The following PTF1A variants were observed in gnomAD, a reference collection of about 807,000 sequenced individuals.
PTF1A encodes pancreas associated transcription factor 1a.
PTF1A carries 18 observed loss-of-function variants against 22.6 expected under a neutral mutation model. The observed-to-expected ratio is 0.80, with a 90% CI of 0.55 to 1.18. The LOEUF (loss-of-function observed/expected upper bound fraction) is 1.18, where lower values mean the gene tolerates loss of function less well. Ranked by LOEUF, PTF1A falls within the 50% of genes most tolerant of loss-of-function variation. The pLI, the probability that PTF1A is intolerant of heterozygous loss-of-function variation, is 0.00. For missense variants in PTF1A, 477 were observed against 473.0 expected, an observed-to-expected ratio of 1.01 and a Z score of -0.08; for synonymous variants, 259 against 227.9, an observed-to-expected ratio of 1.14 and a Z score of -1.23.
chr10:23,193,617 C>A, intron 1 of PTF1A, 87 bp from the exon 2 acceptor site: 1 of 1,006,540 alleles, frequency 9.9e-7, no homozygotes. Flanking sequence ...CCGGAGAGCA[C>A]CCAGGAAAGG....
chr10:23,193,276 G>A lies in PTF1A; in HGVS notation c.746G>A (p.Ser249Asn), dbSNP rs779163060. 2 of 1,249,454 alleles carry A rather than the reference G, an allele frequency of 1.6e-6. No homozygotes were observed. The highest frequency in any genetic ancestry group is 1.6e-5 in the African/African-American group (1 of 64,178). 77.4% of individuals were successfully genotyped at this position (1,249,454 alleles called of 1,614,324 possible). A position where few individuals can be genotyped will look rare whatever the true frequency, so the allele number is the denominator to read the frequency against. The change falls in exon 1 of 2, where the codon AGC becomes AAC. Residue 249 changes from serine (S) to asparagine (N), a missense_variant. By Grantham distance (46) the Ser-to-Asn change is conservative. Coordinates refer to ENST00000376504, the MANE Select transcript of PTF1A (RefSeq NM_178161.3). ...CGCCTGGGCGGGGACAGCCCGGGCA[G>A]CCAGGCCCAGAAGGTCATCATCTGC... is the stretch of plus-strand genomic sequence containing the variant. The part of the protein sequence containing the change: ...GGRLGGDSPG[S>N]QAQKVIICHR...
chr10:23,192,338 A>G lies in PTF1A; in HGVS notation c.-193A>G. The G allele has an allele frequency of 5.8e-6, 3 of 518,656 alleles. No homozygotes were observed. The highest frequency in any genetic ancestry group is 6.1e-6 in the Non-Finnish European group (2 of 326,792). 32.1% of individuals were successfully genotyped at this position (518,656 alleles called of 1,614,324 possible). On this transcript the variant is annotated 5_prime_UTR_variant, in exon 1 of 2. Transcript: ENST00000376504. ...CAGGAAGTCCGCCACAGCCCTCCCC[A>G]GCGCAGCGCGAGCGCGGGCCAGAGC...
In PTF1A at chr10:23,192,958, G is replaced by C; in HGVS notation, c.428G>C (p.Gly143Ala). The change falls in exon 1 of 2, where the codon GGA (glycine) becomes GCA (alanine). Residue 143 changes from glycine to alanine, a missense_variant. By Grantham distance (60) the Gly-to-Ala change is moderately conservative (BLOSUM62 0). Transcript: ENST00000376504. ...SPGARLRGLSGAAAAAARRRR... is the reference protein window; with the variant it reads ...SPGARLRGLSAAAAAAARRRR... ...GGGGCGCGGCTGCGCGGCCTGAGCG[G>C]AGCGGCGGCTGCGGCGGCGCGGCGC... The C allele has an allele frequency of 8.6e-7, 1 of 1,157,288 alleles. No individual in the cohort carries two copies. The highest frequency in any genetic ancestry group is 1.1e-6 in the Non-Finnish European group (1 of 942,722). The allele number at this position is 1,157,288 out of a possible 1,614,324, so 71.7% of individuals were successfully genotyped here. A position where few individuals can be genotyped will look rare whatever the true frequency, so the allele number is the denominator to read the frequency against.
At position 23,194,199 on chromosome 10, in the gene PTF1A, A is replaced by T. The variant is rs1334573851; in HGVS notation, c.*293A>T. ...AAACGTCCTGCTTATTTATTGCCAG[A>T]TATGGTTTATTTCTAAGCGTTGTCA... On this transcript the variant is annotated 3_prime_UTR_variant, in exon 2 of 2. Transcript: ENST00000376504. 1 of 333,762 alleles carries T rather than the reference A, an allele frequency of 3.0e-6. No individual in the cohort carries two copies. The allele number at this position is 333,762 out of a possible 1,614,324, so 20.7% of individuals were successfully genotyped here. A position where few individuals can be genotyped will look rare whatever the true frequency, so the allele number is the denominator to read the frequency against.
rs777751456 is a variant in PTF1A, at chr10:23,193,242, G to T, written c.712G>T (p.Gly238Cys). 5.6e-6 allele frequency: 7 copies of T among 1,246,356 alleles called. No individual in the cohort carries two copies. The South Asian group carries it at 1.8e-4, about 32-fold the overall frequency. 77.2% of individuals were successfully genotyped at this position (1,246,356 alleles called of 1,614,324 possible). A position where few individuals can be genotyped will look rare whatever the true frequency, so the allele number is the denominator to read the frequency against. Reference sequence around the variant, plus strand: ...CGCGGGCGGCTGCGGGGGGCCGGGCGGCGGCGGGCGCCTGGGCGGGGACAG... The same window carrying T: ...CGCGGGCGGCTGCGGGGGGCCGGGCTGCGGCGGGCGCCTGGGCGGGGACAG... ...GGAGGCGGPG[G>C]GGRLGGDSPG... Residue 238 changes from glycine to cysteine, a missense_variant, in exon 1 of 2, where the codon GGC becomes TGC. Transcript: ENST00000376504.
chr10:23,193,717 C>CAGCGACCCTGATTATGGCCTCCCTCCCCT lies in PTF1A; in HGVS notation c.802_830dup (p.Gly278ThrfsTer9). 6.2e-7 allele frequency: 1 copy of CAGCGACCCTGATTATGGCCTCCCTCCCCT among 1,609,934 alleles called. No individual in the cohort carries two copies. Among genetic ancestry groups the CAGCGACCCTGATTATGGCCTCCCTCCCCT allele is most frequent in the Non-Finnish European group, 8.5e-7 (1 of 1,176,446 alleles). On this transcript the variant is annotated frameshift_variant, in exon 2 of 2. Transcript: ENST00000376504. LOFTEE classifies it high-confidence loss of function. ...TCACCTGTCCAGGGTCCCCCTCCCC[C>CAGCGACCCTGATTATGGCCTCCCTCCCCT]AGCGACCCTGATTATGGCCTCCCTC...
In PTF1A at chr10:23,193,745, C is replaced by G; in HGVS notation, c.826C>G (p.Leu276Val). 1.2e-6 allele frequency: 2 copies of G among 1,613,788 alleles called. No individual in the cohort carries two copies. Among genetic ancestry groups the G allele is most frequent in the Non-Finnish European group, 8.5e-7 (1 of 1,179,758 alleles). The change falls in exon 2 of 2, where the codon CTA becomes GTA. Residue 276 changes from leucine (L) to valine (V), a missense_variant. Leu to Val is a conservative substitution (Grantham distance 32, BLOSUM62 1). Coordinates refer to ENST00000376504, the MANE Select transcript of PTF1A (RefSeq NM_178161.3). Reference sequence around the variant, plus strand: ...CGACCCTGATTATGGCCTCCCTCCCCTAGCAGGACACTCTCTCTCATGGAC... The same window carrying G: ...CGACCCTGATTATGGCCTCCCTCCCGTAGCAGGACACTCTCTCTCATGGAC... ...PSDPDYGLPP[L>V]AGHSLSWTDE...
Position 23,192,936 on chromosome 10 carries a change from G to A in PTF1A, c.406G>A (p.Ala136Thr). The change falls in exon 1 of 2, where the codon GCG becomes ACG. Residue 136 changes from alanine to threonine, a missense_variant. Ala to Thr is a moderately conservative substitution (Grantham distance 58). Transcript: ENST00000376504. Reference sequence around the variant, plus strand: ...CGGGGCGGCAGTACTGTCTCCCGGGGCGCGGCTGCGCGGCCTGAGCGGAGC... The same window carrying A: ...CGGGGCGGCAGTACTGTCTCCCGGGACGCGGCTGCGCGGCCTGAGCGGAGC... ...CAGAAVLSPGARLRGLSGAAA... is the reference protein window; with the variant it reads ...CAGAAVLSPGTRLRGLSGAAA... 11 of 1,179,698 alleles carry A rather than the reference G, an allele frequency of 9.3e-6. No individual in the cohort carries two copies. The highest frequency in any genetic ancestry group is 1.2e-5 in the Non-Finnish European group (11 of 955,728). 73.1% of individuals were successfully genotyped at this position (1,179,698 alleles called of 1,614,324 possible).
Position 23,193,105 on chromosome 10 carries a change from C to T in PTF1A, c.575C>T (p.Thr192Met). 2.1e-6 allele frequency: 3 copies of T among 1,439,624 alleles called. No homozygotes were observed. The highest frequency in any genetic ancestry group is 3.1e-5 in the East Asian group (1 of 32,664). 89.2% of individuals were successfully genotyped at this position (1,439,624 alleles called of 1,614,324 possible). ...AFEGLRSHIP[T>M]LPYEKRLSKV... ...GAGGGGCTGCGCTCGCACATCCCCACGCTGCCCTACGAGAAGCGCCTCTCC... is the reference window on the plus strand; with the variant it reads ...GAGGGGCTGCGCTCGCACATCCCCATGCTGCCCTACGAGAAGCGCCTCTCC... Residue 192 changes from threonine (T) to methionine (M), a missense_variant, in exon 1 of 2, where the codon ACG becomes ATG. By Grantham distance (81) the Thr-to-Met change is moderately conservative. Transcript: ENST00000376504.
intron 1 of PTF1A, 188 bp downstream of exon 1, chr10:23,193,502 C>T: frequency 1.4e-6 from 1 of 705,520 alleles, no homozygotes; most frequent in East Asian, 2.7e-5. Flanking sequence ...ACGTTGACCG[C>T]GGCTCTCAAG....
Position 23,192,918 on chromosome 10 carries a change from G to A in PTF1A, c.388G>A (p.Ala130Thr). The change falls in exon 1 of 2, where the codon GCA (alanine) becomes ACA (threonine). Residue 130 changes from alanine (A) to threonine (T), a missense_variant. Transcript: ENST00000376504. ...CCTGGCCTACCCGTGCGCCGGGGCG[G>A]CAGTACTGTCTCCCGGGGCGCGGCT... ...SCLAYPCAGA[A>T]VLSPGARLRG... The A allele has an allele frequency of 1.6e-6, 2 of 1,236,110 alleles. No individual in the cohort carries two copies. The highest frequency in any genetic ancestry group is 3.2e-5 in the South Asian group (1 of 31,728). 76.6% of individuals were successfully genotyped at this position (1,236,110 alleles called of 1,614,324 possible).
intron 1 of PTF1A, 157 bp from the exon 2 acceptor site, chr10:23,193,547 A>C: frequency 1.3e-6 from 1 of 763,986 alleles, no homozygotes; most frequent in Non-Finnish European, 2.2e-6. Flanking sequence ...AGCTCCTCGG[A>C]TTCCTGGGAG....
In PTF1A at chr10:23,193,005, G is replaced by T; in HGVS notation, c.475G>T (p.Ala159Ser). The change falls in exon 1 of 2, where the codon GCG (alanine) becomes TCG (serine). Residue 159 changes from alanine to serine, a missense_variant. Transcript: ENST00000376504. Reference sequence around the variant, plus strand: ...GCGCCGGCGGCGGGTGCGCTCCGAGGCGGAGCTGCAGCAGCTGCGGCAGGC... The same window carrying T: ...GCGCCGGCGGCGGGTGCGCTCCGAGTCGGAGCTGCAGCAGCTGCGGCAGGC... Reference protein sequence around the residue: ...ARRRRRVRSEAELQQLRQAAN... With the variant: ...ARRRRRVRSESELQQLRQAAN... The T allele has an allele frequency of 8.1e-7, 1 of 1,234,226 alleles. No homozygotes were observed. Among genetic ancestry groups the T allele is most frequent in the Non-Finnish European group, 1.0e-6 (1 of 973,768 alleles). The allele number at this position is 1,234,226 out of a possible 1,614,324, so 76.5% of individuals were successfully genotyped here.
rs1285998272 is a variant in PTF1A, at chr10:23,194,043, C to T, written c.*137C>T. 2.9e-6 allele frequency: 2 copies of T among 684,848 alleles called. No individual in the cohort carries two copies. The highest frequency in any genetic ancestry group is 5.5e-5 in the East Asian group (2 of 36,636). The allele number at this position is 684,848 out of a possible 1,614,324, so 42.4% of individuals were successfully genotyped here. A position where few individuals can be genotyped will look rare whatever the true frequency, so the allele number is the denominator to read the frequency against. ...TGTTTATTATTTATCTATTTATTAT[C>T]CTGTTGAGTTGATGAAATAGATGAT... On this transcript the variant is annotated 3_prime_UTR_variant, in exon 2 of 2. Coordinates refer to ENST00000376504, the MANE Select transcript of PTF1A (RefSeq NM_178161.3).
rs1008650541 is a variant in PTF1A at position 23,192,358 on chromosome 10, C to A, written c.-173C>A. On this transcript the variant is annotated 5_prime_UTR_variant, in exon 1 of 2. Coordinates refer to ENST00000376504, the MANE Select transcript of PTF1A (RefSeq NM_178161.3). ...TCCCCAGCGCAGCGCGAGCGCGGGC[C>A]AGAGCGCAGCGGCCGCGGGCACTCC... 1 of 716,714 alleles carries A rather than the reference C, an allele frequency of 1.4e-6. No homozygotes were observed. The highest frequency in any genetic ancestry group is 2.1e-6 in the Non-Finnish European group (1 of 485,200). The allele number at this position is 716,714 out of a possible 1,614,324, so 44.4% of individuals were successfully genotyped here. A position where few individuals can be genotyped will look rare whatever the true frequency, so the allele number is the denominator to read the frequency against.
Position 23,192,636 on chromosome 10 carries a change from C to A in PTF1A, c.106C>A (p.Leu36Met). ...CACCGACCAGTCTTCACGGGACCCC[C>A]TGGAGGACGGCGATGAGCTGCTGGC... Reference protein sequence around the residue: ...FFTDQSSRDPLEDGDELLADE... With the variant: ...FFTDQSSRDPMEDGDELLADE... Residue 36 changes from leucine (L) to methionine (M), a missense_variant, in exon 1 of 2, where the codon CTG becomes ATG. Transcript: ENST00000376504. 1 of 1,602,066 alleles carries A rather than the reference C, an allele frequency of 6.2e-7. No homozygotes were observed. The highest frequency in any genetic ancestry group is 8.5e-7 in the Non-Finnish European group (1 of 1,174,684).
chr10:23,193,508 T>C, intron 1 of PTF1A, 194 bp downstream of exon 1: 1 of 730,972 alleles, frequency 1.4e-6, no homozygotes, highest in Non-Finnish European at 2.2e-6. Flanking sequence ...ACCGCGGCTC[T>C]CAAGGGCGCG....
intron 1 of PTF1A, 149 bp downstream of exon 1, chr10:23,193,463 G>T (rs1840921917): frequency 1.2e-5 from 7 of 602,262 alleles, no homozygotes; most frequent in Admixed American, 3.5e-5. Flanking sequence ...CGCGTTTCTC[G>T]TTTTTTTTTT....
Position 23,192,373 on chromosome 10 carries a change from G to C in PTF1A, c.-158G>C. On this transcript the variant is annotated 5_prime_UTR_variant, in exon 1 of 2. Coordinates refer to ENST00000376504, the MANE Select transcript of PTF1A (RefSeq NM_178161.3). ...GAGCGCGGGCCAGAGCGCAGCGGCC[G>C]CGGGCACTCCAGGGAGGCCCGGGGG... The C allele has an allele frequency of 1.1e-6, 1 of 888,034 alleles. No homozygotes were observed. The highest frequency in any genetic ancestry group is 1.6e-6 in the Non-Finnish European group (1 of 634,636). The allele number at this position is 888,034 out of a possible 1,614,324, so 55.0% of individuals were successfully genotyped here.
Sources: allele counts gnomAD v4.1 joint callset, GRCh38; gene constraint gnomAD v4.1.1; transcripts MANE v1.5; gene names NCBI Gene and HGNC (gene_info 2026-07-23, HGNC 2026-07-21).